Variants in KCNT2 observed in about 807,000 individuals in gnomAD.
KCNT2 encodes the protein potassium channel subfamily T member 2.
A neutral mutation model predicts 153.8 loss-of-function variants in KCNT2; 67 were observed. The observed-to-expected ratio is 0.44, with a 90% confidence interval of 0.36 to 0.53. The LOEUF (loss-of-function observed/expected upper bound fraction) is 0.53. KCNT2 is among the 20% of genes least tolerant of loss of function. The probability of loss-of-function intolerance (pLI) is 0.00; values close to 1 mark genes in which losing one functional copy is unlikely to be tolerated. For missense variants in KCNT2, 975 were observed against 1,354.8 expected (o/e 0.72, Z 4.40); for synonymous variants, 500 against 458.8 (o/e 1.09, Z -1.15).
In KCNT2 at chr1:196,387,028, T is replaced by A. The variant is rs531254447; in HGVS notation, c.1294+11535A>T. Among the ~76,000 whole-genome samples, 21 of 152,184 alleles carry A rather than the reference T, an allele frequency of 1.4e-4. 1 individual carries two copies. The South Asian group carries it at 1.9e-3, about 14-fold the overall frequency. On this transcript the variant is annotated intron_variant, in intron 13 of 27. Transcript: ENST00000294725. The stretch of plus-strand genomic sequence containing the variant: ...ATAGTTATAATTAGGTGAATAACAA[T>A]CTCACTGCTTAGATATAACCATTCA...
rs923835866 is a variant in KCNT2 at position 196,299,357 on chromosome 1, TA to T, written c.2595+5876del. ...GTAAATATCCAAGACAAGGATAACG[TA>T]AAAAAAAAATCAGCAAAAAAAAGTG... is the stretch of plus-strand genomic sequence containing the variant. On this transcript the variant is annotated intron_variant, in intron 22 of 27. Transcript: ENST00000294725. Among the ~76,000 whole-genome samples the T allele has an allele frequency of 1.2e-3, 174 of 144,782 alleles. No individual in the cohort carries two copies. The South Asian group carries it at 0.014, about 11-fold the overall frequency. The allele number at this position is 144,782 out of a possible 152,430, so 95.0% of individuals were successfully genotyped here. A position where few individuals can be genotyped will look rare whatever the true frequency, so the allele number is the denominator to read the frequency against.
chr1:196,486,870 C>T (rs1679461198), intron 3 of KCNT2, among the ~76,000 whole-genome samples: 2 of 151,592 alleles, frequency 1.3e-5, no homozygotes, highest in African/African-American at 4.8e-5. Context: ...ATATTTAATA[C>T]ACATCCAAAA....
chr1:196,236,194 G>A (rs1654421222), intron 26 of KCNT2, 124 bp from the exon 27 acceptor site: 4 of 636,618 alleles, frequency 6.3e-6, no homozygotes, highest in Admixed American at 5.0e-5. Context: ...TTTGTCCACA[G>A]CATGATTGTG....
At chr1:196,306,177 C>G (rs1307620322) in intron 21 of KCNT2, among the ~76,000 whole-genome samples, 1 of 152,092 alleles carries the variant, frequency 6.6e-6, no homozygotes, top group Non-Finnish European at 1.5e-5. Flanking sequence ...GCAGCCACTT[C>G]TGTGATAATC....
intron 1 of KCNT2, among the ~76,000 whole-genome samples, chr1:196,560,049 T>G (rs1659175565): frequency 6.6e-6 from 1 of 151,900 alleles, no homozygotes; most frequent in Non-Finnish European, 1.5e-5. Context: ...TTTAAATAAT[T>G]TAATTTGCCG....
chr1:196,598,838 G>A (rs555775212), intron 1 of KCNT2, among the ~76,000 whole-genome samples: 3 of 152,134 alleles, frequency 2.0e-5, no homozygotes, highest in Non-Finnish European at 4.4e-5. Context: ...CATGTAACAT[G>A]CTTAGAAAAA....
At chr1:196,292,858 T>G (rs1660328356) in intron 22 of KCNT2, among the ~76,000 whole-genome samples, 1 of 151,130 alleles carries the variant, frequency 6.6e-6, no homozygotes, top group African/African-American at 2.4e-5. Flanking sequence ...TTGTCTCTGT[T>G]TGCAGATGCC....
intron 26 of KCNT2, chr1:196,257,650 C>T: frequency 1.0e-6 from 1 of 962,760 alleles, no homozygotes; most frequent in Non-Finnish European, 1.2e-6. Context: ...AATTATGGAT[C>T]ATATATAGGA....
At chr1:196,491,503 A>C (rs1679857019) in intron 2 of KCNT2, among the ~76,000 whole-genome samples, 2 of 152,120 alleles carry the variant, frequency 1.3e-5, no homozygotes, top group South Asian at 4.1e-4. Context: ...CAACTAATGC[A>C]GGCCTCTCCA....
At chr1:196,428,804 T>G (rs1168584895) in intron 9 of KCNT2, among the ~76,000 whole-genome samples, 1 of 152,022 alleles carries the variant, frequency 6.6e-6, no homozygotes, top group East Asian at 1.9e-4. Flanking sequence ...GCGGCCAAAG[T>G]TTTGCAATGG....
Position 196,428,079 on chromosome 1 carries a change from T to C in KCNT2, c.984+26A>G, listed in dbSNP as rs1222786550. The C allele has an allele frequency of 1.2e-5, 19 of 1,581,886 alleles. No individual in the cohort carries two copies. In the African/African-American group the frequency reaches 1.3e-4, roughly 11 times the overall value. On this transcript the variant is annotated intron_variant, in intron 10 of 27. Transcript: ENST00000294725. Reference sequence around the variant, plus strand: ...ATATGTTAGTAGGTATGATCCAGTATAGCACATAATATAAGCCAAATGTAC... The same window carrying C: ...ATATGTTAGTAGGTATGATCCAGTACAGCACATAATATAAGCCAAATGTAC...
chr1:196,228,203 A>T lies in KCNT2; in HGVS notation c.*21T>A. ...TTCAAGCAAGGTCTTTGTAGGAAAA[A>T]AGTTTCTCATTTTATTTTTATCAAA... On this transcript the variant is annotated 3_prime_UTR_variant, in exon 28 of 28. Coordinates refer to ENST00000294725, the MANE Select transcript of KCNT2 (RefSeq NM_198503.5). The T allele has an allele frequency of 6.8e-7, 1 of 1,473,184 alleles. No homozygotes were observed. Among genetic ancestry groups the T allele is most frequent in the Non-Finnish European group, 9.5e-7 (1 of 1,056,862 alleles). The allele number at this position is 1,473,184 out of a possible 1,614,324, so 91.3% of individuals were successfully genotyped here. A position where few individuals can be genotyped will look rare whatever the true frequency, so the allele number is the denominator to read the frequency against.
chr1:196,262,710 C>T (rs1657143426), intron 25 of KCNT2, among the ~76,000 whole-genome samples: 1 of 151,898 alleles, frequency 6.6e-6, no homozygotes. Flanking sequence ...GTGATCTATG[C>T]AGAGAAAGAA....
intron 1 of KCNT2, among the ~76,000 whole-genome samples, chr1:196,514,855 T>G (rs1024282559): frequency 2.6e-5 from 4 of 152,206 alleles, no homozygotes; most frequent in Non-Finnish European, 4.4e-5. Flanking sequence ...CGAAACTATT[T>G]GTACCTTAAC....
chr1:196,435,143 A>ATATG (rs1228522147), intron 8 of KCNT2, among the ~76,000 whole-genome samples: 7 of 87,826 alleles, frequency 8.0e-5, no homozygotes, highest in African/African-American at 2.3e-4. Context: ...GTGTATGTAT[A>ATATG]TATATATATA....
chr1:196,506,323 A>G (rs1267548850), intron 1 of KCNT2, among the ~76,000 whole-genome samples: 1 of 152,172 alleles, frequency 6.6e-6, no homozygotes, highest in East Asian at 1.9e-4. Flanking sequence ...TAACTTTTAT[A>G]GTGTGTTGAT....
At chr1:196,412,258 G>A (rs896709621) in intron 12 of KCNT2, among the ~76,000 whole-genome samples, 11 of 151,550 alleles carry the variant, frequency 7.3e-5, no homozygotes, top group African/African-American at 2.2e-4. Flanking sequence ...TTACTAGTAC[G>A]TAAGATGGCA....
intron 27 of KCNT2, among the ~76,000 whole-genome samples, chr1:196,231,478 T>G (rs956228186): frequency 4.0e-5 from 6 of 151,432 alleles, no homozygotes; most frequent in African/African-American, 1.5e-4. Flanking sequence ...GGCAGAAGAT[T>G]AAAGTAAAAT....
At chr1:196,257,484 A>G in intron 26 of KCNT2, 2 of 977,964 alleles carry the variant, frequency 2.0e-6, no homozygotes, top group Non-Finnish European at 2.4e-6. Flanking sequence ...ACGTAAAATA[A>G]AACACCTTGT....
Sources: gnomAD v4.1 joint callset for allele counts (sites outside exome capture counted in the v4.1 genomes callset) on GRCh38, gnomAD v4.1.1 for gene constraint, MANE v1.5 for transcripts, NCBI Gene and HGNC (gene_info 2026-07-23, HGNC 2026-07-21) for gene names.